Variants in LRMDA observed in about 807,000 individuals in gnomAD.
The protein encoded by LRMDA is leucine-rich melanocyte differentiation-associated protein.
Under a neutral mutation model 29.8 loss-of-function variants are expected in LRMDA, and 18 were observed. The observed-to-expected ratio is 0.60, with a 90% CI of 0.42 to 0.90. The LOEUF (loss-of-function observed/expected upper bound fraction) is 0.90. Among genes scored for constraint, LRMDA ranks in the 40% least tolerant of loss-of-function variants. The pLI is 0.00. For synonymous variants in LRMDA, 125 were observed against 109.4 expected (o/e 1.14, Z -0.89); for missense variants, 273 against 273.9 (o/e 1.00, Z 0.02).
chr10:76,088,072 A>T (rs1314648227), intron 5 of LRMDA, among the ~76,000 whole-genome samples: 1 of 152,194 alleles, frequency 6.6e-6, no homozygotes, highest in Non-Finnish European at 1.5e-5. Flanking sequence ...GTGAGCCGTG[A>T]TTATACCACT....
At chr10:75,839,700 CTTTTTTTTTTTTTT>C (rs1160178913) in intron 2 of LRMDA, among the ~76,000 whole-genome samples, 3 of 82,796 alleles carry the variant, frequency 3.6e-5, no homozygotes, top group Admixed American at 1.2e-4. Context: ...ATCCGACTTT[CTTTTTTTTTTTTTT>C]TTTTTTTTTT....
intron 6 of LRMDA, among the ~76,000 whole-genome samples, chr10:76,382,212 C>T (rs1384208038): frequency 1.1e-4 from 16 of 152,306 alleles, no homozygotes; most frequent in Non-Finnish European, 2.1e-4. Flanking sequence ...CATGTACACA[C>T]ACAAGCACAC....
At chr10:75,579,191 G>C (rs972695425) in intron 2 of LRMDA, among the ~76,000 whole-genome samples, 1 of 151,954 alleles carries the variant, frequency 6.6e-6, no homozygotes, top group Non-Finnish European at 1.5e-5. Flanking sequence ...TAATAAAGAA[G>C]AAAACAGAGA....
intron 2 of LRMDA, among the ~76,000 whole-genome samples, chr10:75,454,748 G>C (rs1844496481): frequency 6.6e-6 from 1 of 152,158 alleles, no homozygotes; most frequent in Admixed American, 6.5e-5. Flanking sequence ...CATTCTTCCA[G>C]TTGTAATTGG....
intron 2 of LRMDA, among the ~76,000 whole-genome samples, chr10:75,572,575 C>T (rs1435369749): frequency 6.6e-6 from 1 of 152,158 alleles, no homozygotes; most frequent in Non-Finnish European, 1.5e-5. Flanking sequence ...TAATTTTGTA[C>T]ATCTTTCAGT....
chr10:75,720,448 A>G (rs370292511), intron 2 of LRMDA, among the ~76,000 whole-genome samples: 2 of 152,324 alleles, frequency 1.3e-5, no homozygotes, highest in African/African-American at 4.8e-5. Flanking sequence ...AAATTATTTC[A>G]TGCATAGTCT....
chr10:76,278,699 C>T (rs375344283), intron 5 of LRMDA, among the ~76,000 whole-genome samples: 2 of 152,332 alleles, frequency 1.3e-5, no homozygotes, highest in Admixed American at 6.5e-5. Flanking sequence ...GAAATCCTGA[C>T]TCTAATTTCA....
At chr10:75,579,354 C>T (rs1316838466) in intron 2 of LRMDA, among the ~76,000 whole-genome samples, 1 of 152,138 alleles carries the variant, frequency 6.6e-6, no homozygotes, top group African/African-American at 2.4e-5. Context: ...CACATACACC[C>T]TCCCAAGACT....
chr10:76,218,263 G>C (rs1201749992), intron 5 of LRMDA, among the ~76,000 whole-genome samples: 1 of 152,196 alleles, frequency 6.6e-6, no homozygotes, highest in Non-Finnish European at 1.5e-5. Context: ...TTTCCCTCTT[G>C]CCCGAACAGT....
chr10:75,965,225 C>T (rs1207349950), intron 2 of LRMDA, among the ~76,000 whole-genome samples: 2 of 152,152 alleles, frequency 1.3e-5, no homozygotes, highest in African/African-American at 2.4e-5. Flanking sequence ...AAGTATTTGG[C>T]ACCTGGTACC....
At chr10:75,530,228 T>C (rs1012905676) in intron 2 of LRMDA, among the ~76,000 whole-genome samples, 2 of 152,030 alleles carry the variant, frequency 1.3e-5, no homozygotes, top group Admixed American at 1.3e-4. Context: ...TTTATATAGT[T>C]TATATTTCTC....
chr10:75,477,778 G>A (rs898392250), intron 2 of LRMDA, among the ~76,000 whole-genome samples: 2 of 152,252 alleles, frequency 1.3e-5, no homozygotes, highest in Non-Finnish European at 2.9e-5. Flanking sequence ...GGTATACCAT[G>A]TGTGGCCATC....
At chr10:76,237,782 G>A (rs1852180654) in intron 5 of LRMDA, among the ~76,000 whole-genome samples, 1 of 124,594 alleles carries the variant, frequency 8.0e-6, no homozygotes, top group Non-Finnish European at 1.6e-5. Context: ...AGGGACAAGA[G>A]TGCTTTTTTT....
intron 2 of LRMDA, among the ~76,000 whole-genome samples, chr10:75,672,892 C>T (rs973296084): frequency 3.3e-5 from 5 of 151,546 alleles, no homozygotes; most frequent in Admixed American, 1.3e-4. Context: ...TTTCCTTCCA[C>T]CGTTGGCTTT....
intron 2 of LRMDA, among the ~76,000 whole-genome samples, chr10:75,960,780 A>AC (rs1846750885): frequency 6.6e-6 from 1 of 151,552 alleles, no homozygotes. Flanking sequence ...CGCCTGGCTA[A>AC]TTTTTTTTGT....
At chr10:75,612,476 T>A (rs1841044714) in intron 2 of LRMDA, among the ~76,000 whole-genome samples, 1 of 152,180 alleles carries the variant, frequency 6.6e-6, no homozygotes, top group Non-Finnish European at 1.5e-5. Context: ...CTTTAATTGA[T>A]GCCATTTTAC....
chr10:76,349,650 A>C (rs907674900), intron 6 of LRMDA, among the ~76,000 whole-genome samples: 1 of 152,142 alleles, frequency 6.6e-6, no homozygotes, highest in African/African-American at 2.4e-5. Context: ...AAACAACAAA[A>C]TACATTTTGT....
intron 2 of LRMDA, among the ~76,000 whole-genome samples, chr10:75,885,679 C>T (rs556138868): frequency 6.6e-6 from 1 of 152,314 alleles, no homozygotes; most frequent in Admixed American, 6.5e-5. Flanking sequence ...TTTACACATC[C>T]AAAGCCATCA....
intron 6 of LRMDA, among the ~76,000 whole-genome samples, chr10:76,537,968 CCTA>C (rs1203674288): frequency 6.6e-6 from 1 of 152,038 alleles, no homozygotes; most frequent in Non-Finnish European, 1.5e-5. Flanking sequence ...CAACAATAAG[CCTA>C]CTAAGTTAAA....
Sources: gnomAD v4.1 joint callset for allele counts (sites outside exome capture counted in the v4.1 genomes callset) on GRCh38, gnomAD v4.1.1 for gene constraint, MANE v1.5 for transcripts, NCBI Gene and HGNC (gene_info 2026-07-23, HGNC 2026-07-21) for gene names.